Variants in CNBD1 observed in about 807,000 individuals in gnomAD.
CNBD1 encodes cyclic nucleotide-binding domain-containing protein 1.
Under a neutral mutation model 54.4 loss-of-function variants are expected in CNBD1, and 71 were observed. That is an observed-to-expected ratio of 1.30 (90% confidence interval 1.08 to 1.59). The LOEUF is 1.59. CNBD1 is among the 40% of genes most tolerant of loss of function. CNBD1 has a pLI of 0.00. For missense variants in CNBD1, 659 were observed against 518.0 expected (o/e 1.27, Z -2.64); for synonymous variants, 182 against 170.7 (o/e 1.07, Z -0.51).
intron 6 of CNBD1, among the ~76,000 whole-genome samples, chr8:87,251,322 T>C (rs11996549): frequency 0.3 from 46,213 of 151,788 alleles, 7,884 homozygotes; most frequent in African/African-American, 0.47. Flanking sequence ...TGCATTGGCT[T>C]ATGCCTGTAA....
At chr8:87,365,867 A>G (rs1429795127) in intron 10 of CNBD1, among the ~76,000 whole-genome samples, 4 of 152,092 alleles carry the variant, frequency 2.6e-5, no homozygotes, top group African/African-American at 4.8e-5. Context: ...AAGGAATTTT[A>G]TAATGTCTCC....
intron 3 of CNBD1, among the ~76,000 whole-genome samples, chr8:86,937,409 C>T (rs1436015100): frequency 1.3e-5 from 2 of 152,160 alleles, no homozygotes; most frequent in Non-Finnish European, 2.9e-5. Flanking sequence ...CATGTCCTCC[C>T]ATTTCAAAAC....
At position 86,939,618 on chromosome 8, in the gene CNBD1, G is replaced by A; in HGVS notation, c.295G>A (p.Glu99Lys). The change falls in exon 4 of 11, where the codon GAA becomes AAA. Residue 99 changes from glutamate (E) to lysine (K), a missense_variant. Physicochemically the swap from Glu to Lys is moderately conservative, Grantham distance 56 (BLOSUM62 1). Transcript: ENST00000518476. ...CAGGGAACTCAATGAAGGCAAAGAG[G>A]AAAGTCAACATCAACAACCTGATGA... ...EQRELNEGKE[E>K]SQHQQPDDSN... 6.3e-7 allele frequency: 1 copy of A among 1,592,536 alleles called. No homozygotes were observed. The highest frequency in any genetic ancestry group is 1.2e-5 in the South Asian group (1 of 86,066).
intron 2 of CNBD1, among the ~76,000 whole-genome samples, chr8:87,415,377 G>A (rs990025927): frequency 1.3e-5 from 2 of 151,918 alleles, no homozygotes; most frequent in African/African-American, 4.8e-5. Context: ...AGAATGTTTT[G>A]GGTTCATAGG....
chr8:87,287,054 A>C (rs1808712943), intron 8 of CNBD1, among the ~76,000 whole-genome samples: 1 of 152,166 alleles, frequency 6.6e-6, no homozygotes, highest in Non-Finnish European at 1.5e-5. Context: ...TGGGTGGATA[A>C]CTATTTAAGC....
chr8:87,254,008 G>T (rs4549793), intron 6 of CNBD1, among the ~76,000 whole-genome samples: 42,597 of 152,104 alleles, frequency 0.28, 6,434 homozygotes, highest in African/African-American at 0.39. Context: ...AAGAATTTTA[G>T]ATTGCAAGTT....
At chr8:87,119,324 G>GTTT (rs34925068) in intron 4 of CNBD1, among the ~76,000 whole-genome samples, 35 of 145,606 alleles carry the variant, frequency 2.4e-4, no homozygotes, top group African/African-American at 7.7e-4. Flanking sequence ...AATTCTTAGG[G>GTTT]TTTTTTTTTT....
At chr8:87,003,552 A>G (rs1294292226) in intron 4 of CNBD1, among the ~76,000 whole-genome samples, 2 of 152,234 alleles carry the variant, frequency 1.3e-5, no homozygotes, top group African/African-American at 4.8e-5. Context: ...GGAGATAACA[A>G]AACTTTATCA....
At chr8:87,112,372 G>A (rs528298197) in intron 4 of CNBD1, among the ~76,000 whole-genome samples, 6 of 152,308 alleles carry the variant, frequency 3.9e-5, no homozygotes, top group Non-Finnish European at 8.8e-5. Context: ...TGTCTAAGCT[G>A]TGAATCCTGC....
chr8:87,151,970 T>G (rs1812613574), intron 4 of CNBD1, among the ~76,000 whole-genome samples: 1 of 152,064 alleles, frequency 6.6e-6, no homozygotes, highest in African/African-American at 2.4e-5. Flanking sequence ...AATAATCACT[T>G]TTAGTACTAA....
chr8:86,914,391 G>A (rs867972473), intron 3 of CNBD1, among the ~76,000 whole-genome samples: 20 of 152,186 alleles, frequency 1.3e-4, no homozygotes, highest in Admixed American at 4.6e-4. Flanking sequence ...ATTTGGTACA[G>A]TAACATGCTG....
intron 10 of CNBD1, among the ~76,000 whole-genome samples, chr8:87,367,375 G>A (rs1025426895): frequency 3.3e-5 from 5 of 152,084 alleles, no homozygotes; most frequent in Non-Finnish European, 4.4e-5. Context: ...CCCTCTTTCA[G>A]TTGAGGTGAT....
intron 4 of CNBD1, among the ~76,000 whole-genome samples, chr8:86,943,490 A>G (rs1423486112): frequency 6.6e-6 from 1 of 151,864 alleles, no homozygotes; most frequent in Admixed American, 6.6e-5. Flanking sequence ...CTTCCACTTC[A>G]TGTCAGCAGC....
intron 10 of CNBD1, among the ~76,000 whole-genome samples, chr8:87,360,242 AC>A (rs1354142674): frequency 2.0e-5 from 3 of 151,992 alleles, no homozygotes; most frequent in Non-Finnish European, 2.9e-5. Flanking sequence ...TATATATGCA[AC>A]CGTCTATATA....
intron 4 of CNBD1, among the ~76,000 whole-genome samples, chr8:87,088,433 A>T (rs865895609): frequency 6.6e-6 from 1 of 152,220 alleles, no homozygotes; most frequent in African/African-American, 2.4e-5. Context: ...ATATAAAAAG[A>T]GTATGTATGA....
intron 1 of CNBD1, among the ~76,000 whole-genome samples, chr8:86,886,696 A>G (rs1274643146): frequency 2.0e-5 from 3 of 152,202 alleles, no homozygotes; most frequent in Non-Finnish European, 1.5e-5. Flanking sequence ...AATGTGGTCA[A>G]TGAATGCACT....
intron 4 of CNBD1, among the ~76,000 whole-genome samples, chr8:87,040,978 G>A (rs1239101564): frequency 3.3e-5 from 5 of 151,846 alleles, no homozygotes; most frequent in African/African-American, 1.2e-4. Flanking sequence ...AAAAGTAATT[G>A]CAAACTTGTT....
chr8:87,132,962 A>G (rs143976220), intron 4 of CNBD1, among the ~76,000 whole-genome samples: 127 of 151,554 alleles, frequency 8.4e-4, no homozygotes, highest in Middle Eastern at 6.8e-3. Flanking sequence ...TGCTTTCTCT[A>G]AATTGAACAA....
At chr8:86,926,480 C>T (rs117877398) in intron 3 of CNBD1, among the ~76,000 whole-genome samples, 1,703 of 152,230 alleles carry the variant, frequency 0.011, 14 homozygotes, top group Middle Eastern at 0.024. Context: ...AATACAGGGC[C>T]TAAAGGCAAG....
Sources: gnomAD v4.1 joint callset for allele counts (sites outside exome capture counted in the v4.1 genomes callset) on GRCh38, gnomAD v4.1.1 for gene constraint, MANE v1.5 for transcripts, NCBI Gene and HGNC (gene_info 2026-07-23, HGNC 2026-07-21) for gene names.